COL22A1: variants seen among roughly 807,000 people sequenced by gnomAD.
The protein encoded by COL22A1 is collagen type XXII alpha 1 chain, also known as collagen alpha-1(XXII) chain.
In COL22A1, 221 loss-of-function variants were observed where a neutral mutation model predicts 248.9. The ratio of observed to expected loss-of-function variants is 0.89; its 90% CI spans 0.80 to 0.99. The LOEUF is 0.99. COL22A1 is among the 50% of genes least tolerant of loss of function. The pLI is 0.00. For missense variants in COL22A1, 2,240 were observed against 2,179.0 expected (o/e 1.03, Z -0.56); for synonymous variants, 891 against 793.4 (o/e 1.12, Z -2.07).
intron 47 of COL22A1, among the ~76,000 whole-genome samples, chr8:138,642,108 T>C (rs891227854): frequency 1.3e-5 from 2 of 152,158 alleles, no homozygotes; most frequent in South Asian, 2.1e-4. Flanking sequence ...TTAGCAGATA[T>C]AGTGTAGACT....
intron 13 of COL22A1, among the ~76,000 whole-genome samples, 174 bp downstream of exon 13, chr8:138,780,753 C>T (rs1250246000): frequency 1.3e-5 from 2 of 152,168 alleles, no homozygotes; most frequent in South Asian, 2.1e-4. Context: ...TGCTGCTGGT[C>T]TTGTCACAGC....
At chr8:138,867,845 C>A (rs1823014174) in intron 3 of COL22A1, among the ~76,000 whole-genome samples, 1 of 152,198 alleles carries the variant, frequency 6.6e-6, no homozygotes, top group Admixed American at 6.5e-5. Context: ...CGGCTCACTG[C>A]AACCTGACTC....
At chr8:138,842,133 C>T (rs1289948249) in intron 4 of COL22A1, among the ~76,000 whole-genome samples, 2 of 152,186 alleles carry the variant, frequency 1.3e-5, no homozygotes, top group African/African-American at 2.4e-5. Flanking sequence ...CCTCATTCCG[C>T]CACAAACTCA....
At chr8:138,846,761 T>C (rs1490686329) in intron 3 of COL22A1, among the ~76,000 whole-genome samples, 1 of 152,204 alleles carries the variant, frequency 6.6e-6, no homozygotes, top group Admixed American at 6.5e-5. Context: ...TCTGTTTATT[T>C]CTGTATTCAC....
intron 32 of COL22A1, among the ~76,000 whole-genome samples, chr8:138,697,344 G>A (rs1488678812): frequency 6.6e-6 from 1 of 152,174 alleles, no homozygotes; most frequent in African/African-American, 2.4e-5. Flanking sequence ...CAGGGTGAGG[G>A]GGTAGAATCA....
intron 43 of COL22A1, 34 bp from the exon 44 acceptor site, chr8:138,660,514 A>AT: frequency 6.2e-7 from 1 of 1,604,678 alleles, no homozygotes; most frequent in Non-Finnish European, 8.5e-7. Context: ...ATTAACTGTG[A>AT]TAAGCACACG....
chr8:138,601,511 T>C (rs1818007782), intron 60 of COL22A1, among the ~76,000 whole-genome samples: 1 of 152,044 alleles, frequency 6.6e-6, no homozygotes, highest in African/African-American at 2.4e-5. Context: ...AACGCAGGAT[T>C]GTGGGCAAAC....
At chr8:138,784,821 T>C (rs544368359) in intron 12 of COL22A1, among the ~76,000 whole-genome samples, 1 of 152,272 alleles carries the variant, frequency 6.6e-6, no homozygotes, top group South Asian at 2.1e-4. Flanking sequence ...GACAGCTGAT[T>C]AGCTCTAATC....
At chr8:138,737,841 A>G (rs1025848154) in intron 22 of COL22A1, among the ~76,000 whole-genome samples, 2 of 152,080 alleles carry the variant, frequency 1.3e-5, no homozygotes, top group African/African-American at 4.8e-5. Context: ...TTCAAAAGAT[A>G]CAGAAAGGTA....
chr8:138,773,150 C>A (rs1420125944), intron 16 of COL22A1, among the ~76,000 whole-genome samples: 3 of 152,230 alleles, frequency 2.0e-5, no homozygotes, highest in Non-Finnish European at 4.4e-5. Context: ...GGACTGCTGG[C>A]TCATGGAACA....
At chr8:138,693,038 C>T (rs996678804) in intron 35 of COL22A1, among the ~76,000 whole-genome samples, 7 of 152,146 alleles carry the variant, frequency 4.6e-5, no homozygotes, top group Middle Eastern at 3.2e-3. Flanking sequence ...TAAGTCAGCC[C>T]GTCCTGCCTT....
At chr8:138,723,911 C>G (rs1830100001) in intron 25 of COL22A1, among the ~76,000 whole-genome samples, 1 of 152,186 alleles carries the variant, frequency 6.6e-6, no homozygotes, top group Non-Finnish European at 1.5e-5. Context: ...GTTACCCAAT[C>G]TGCTTCACCT....
rs554845060 is a variant in COL22A1, at chr8:138,854,040, G to A, written c.659-9882C>T. On this transcript the variant is annotated intron_variant, in intron 3 of 64. Coordinates refer to ENST00000303045, the MANE Select transcript of COL22A1 (RefSeq NM_152888.3). The stretch of plus-strand genomic sequence containing the variant: ...GAACCCCTTAAATGAGCAGGATGTG[G>A]TAGCTTGGTAGAGATGGTGGCTGTG... 5.9e-5 allele frequency among the ~76,000 whole-genome samples: 9 copies of A among 152,322 alleles called. No individual in the cohort carries two copies. The East Asian group carries it at 1.4e-3, about 23-fold the overall frequency.
chr8:138,682,474 C>T (rs960547806), intron 39 of COL22A1, among the ~76,000 whole-genome samples: 2 of 152,124 alleles, frequency 1.3e-5, no homozygotes, highest in Admixed American at 1.3e-4. Context: ...AAAATGTAAA[C>T]ATTCTCAAGT....
In COL22A1 at chr8:138,877,980, T is replaced by C; in HGVS notation, c.428A>G (p.Lys143Arg). 1.9e-6 allele frequency: 3 copies of C among 1,589,512 alleles called. No individual in the cohort carries two copies. The highest frequency in any genetic ancestry group is 1.7e-6 in the Non-Finnish European group (2 of 1,168,056). The change falls in exon 3 of 65, where the codon AAG (lysine) becomes AGG (arginine). Residue 143 changes from lysine to arginine, a missense_variant. Coordinates refer to ENST00000303045, the MANE Select transcript of COL22A1 (RefSeq NM_152888.3). ...AGGRPRDRAYKQVAILLTDGR... is the reference protein window; with the variant it reads ...AGGRPRDRAYRQVAILLTDGR... ...GTCGGTGAGCAGGATGGCCACCTGC[T>C]TGTAGGCGCGGTCCCTGGGGCGGCC...
chr8:138,679,784 C>T, intron 39 of COL22A1, 108 bp from the exon 40 acceptor site: 1 of 1,004,562 alleles, frequency 1.0e-6, no homozygotes, highest in Non-Finnish European at 1.6e-6. Context: ...TCTCTGTATC[C>T]ACAGTGTCCA....
At chr8:138,902,260 C>T (rs1814642582) in intron 1 of COL22A1, among the ~76,000 whole-genome samples, 1 of 152,188 alleles carries the variant, frequency 6.6e-6, no homozygotes, top group Non-Finnish European at 1.5e-5. Flanking sequence ...CCTCTCCTTT[C>T]CCTTTATCCT....
chr8:138,677,510 C>CATAATTT (rs1201103941), intron 40 of COL22A1, among the ~76,000 whole-genome samples: 33 of 152,088 alleles, frequency 2.2e-4, no homozygotes, highest in Non-Finnish European at 4.0e-4. Flanking sequence ...CAAGGCCGAG[C>CATAATTT]CACGCCTTAT....
At chr8:138,874,571 G>T (rs1823568603) in intron 3 of COL22A1, among the ~76,000 whole-genome samples, 1 of 152,142 alleles carries the variant, frequency 6.6e-6, no homozygotes. Context: ...AGGCCTGCTG[G>T]GTAATAATCT....
Sources: allele counts gnomAD v4.1 joint callset (sites outside exome capture counted in the v4.1 genomes callset), GRCh38; gene constraint gnomAD v4.1.1; transcripts MANE v1.5; gene names NCBI Gene and HGNC (gene_info 2026-07-23, HGNC 2026-07-21).